The following MYOM3 variants were observed in gnomAD, a reference collection of about 807,000 sequenced individuals.
The protein encoded by MYOM3 is myomesin 3.
In MYOM3, 155 loss-of-function variants were observed where a neutral mutation model predicts 191.7. The ratio of observed to expected loss-of-function variants is 0.81; its 90% confidence interval spans 0.71 to 0.92. The LOEUF (loss-of-function observed/expected upper bound fraction) is 0.92, where lower values mean the gene tolerates loss of function less well. Among genes scored for constraint, MYOM3 ranks in the 40% least tolerant of loss-of-function variants. The pLI is 0.00. For synonymous variants in MYOM3, 757 were observed against 762.9 expected (o/e 0.99, Z 0.13); for missense variants, 1,889 against 1,890.6 (o/e 1.00, Z 0.02).
chr1:24,097,983 T>G lies in MYOM3; in HGVS notation c.685A>C (p.Thr229Pro). ...CCGTGGGCGTTCTTCACTCGCACAG[T>G]GTAAGTTGCTGAGTCCTCAATGGCG... The part of the protein sequence containing the change: ...RCAIEDSATY[T>P]VRVKNAHGQA... The change falls in exon 7 of 37, where the codon ACT becomes CCT. Residue 229 changes from threonine (T) to proline (P), a missense_variant. By Grantham distance (38) the Thr-to-Pro change is conservative (BLOSUM62 -1). Transcript: ENST00000374434. 6.2e-7 allele frequency: 1 copy of G among 1,613,616 alleles called. No homozygotes were observed. The highest frequency in any genetic ancestry group is 8.5e-7 in the Non-Finnish European group (1 of 1,179,546).
chr1:24,082,514 C>A (rs1643684691), intron 17 of MYOM3, 79 bp downstream of exon 17: 9 of 1,484,780 alleles, frequency 6.1e-6, no homozygotes, highest in Non-Finnish European at 8.0e-6. Context: ...GGACTGGGCC[C>A]TCCAAGATGT....
At chr1:24,081,251 C>T (rs553810678) in intron 19 of MYOM3, 79 bp downstream of exon 19, 111 of 1,566,474 alleles carry the variant, frequency 7.1e-5, no homozygotes, top group African/African-American at 2.8e-4. Flanking sequence ...TAGAGGAGAG[C>T]GGCAACCTTC....
rs751197492 is a variant in MYOM3 at position 24,065,919 on chromosome 1, G to A, written c.3506C>T (p.Thr1169Met). ...TTCAATGCAGAGAAGTCCCGTTCCC[G>A]TCTCTGGGTCATACTGACCATCTGG... ...EMPDGQYDPE[T>M]GTGLLCIEEL... The change falls in exon 29 of 37, where the codon ACG becomes ATG. Residue 1169 changes from threonine (T) to methionine (M), a missense_variant. Thr to Met is a moderately conservative substitution (Grantham distance 81). Coordinates refer to ENST00000374434, the MANE Select transcript of MYOM3 (RefSeq NM_152372.4). 26 of 1,613,134 alleles carry A rather than the reference G, an allele frequency of 1.6e-5. No homozygotes were observed. Among genetic ancestry groups the A allele is most frequent in the Middle Eastern group, 1.6e-4 (1 of 6,084 alleles).
intron 23 of MYOM3, among the ~76,000 whole-genome samples, chr1:24,073,329 G>A (rs1048218452): frequency 6.6e-6 from 1 of 152,190 alleles, no homozygotes; most frequent in Non-Finnish European, 1.5e-5. Context: ...GGTTGCTACG[G>A]AGGTAGCAGA....
intron 10 of MYOM3, among the ~76,000 whole-genome samples, 154 bp from the exon 11 acceptor site, chr1:24,092,469 C>T (rs1355785500): frequency 6.6e-6 from 1 of 152,196 alleles, no homozygotes; most frequent in Non-Finnish European, 1.5e-5. Context: ...CCCACTACCC[C>T]CATAGCAGTA....
intron 36 of MYOM3, among the ~76,000 whole-genome samples, chr1:24,058,379 C>T (rs1295469152): frequency 6.6e-6 from 1 of 152,144 alleles, no homozygotes; most frequent in African/African-American, 2.4e-5. Flanking sequence ...GGGTGTGAAT[C>T]TCAGCTCTGC....
At chr1:24,093,240 G>A (rs1333424590) in intron 9 of MYOM3, 132 bp from the exon 10 acceptor site, 2 of 644,514 alleles carry the variant, frequency 3.1e-6, no homozygotes, top group Admixed American at 2.9e-5. Flanking sequence ...CTCAGGCCTT[G>A]GGTGGGGGTG....
At chr1:24,061,490 T>C (rs988604462) in intron 33 of MYOM3, among the ~76,000 whole-genome samples, 181 bp from the exon 34 acceptor site, 1 of 152,172 alleles carries the variant, frequency 6.6e-6, no homozygotes, top group Non-Finnish European at 1.5e-5. Context: ...CAGAAGACCA[T>C]GGGATTTTCT....
At position 24,056,196 on chromosome 1, in the gene MYOM3, A is replaced by T. The variant is rs112916745; in HGVS notation, c.*1168T>A. Reference sequence around the variant, plus strand: ...GAGAAATGCCCAGCTCAGTACTGAGATCCATCAAGTGAGGCCAGCCGGTAT... The same window carrying T: ...GAGAAATGCCCAGCTCAGTACTGAGTTCCATCAAGTGAGGCCAGCCGGTAT... On this transcript the variant is annotated 3_prime_UTR_variant, in exon 37 of 37. Transcript: ENST00000374434. 5 of 152,200 alleles carry T rather than the reference A, an allele frequency of 3.3e-5. No individual in the cohort carries two copies. The highest frequency in any genetic ancestry group is 2.0e-4 in the Admixed American group (3 of 15,274). 9.4% of individuals were successfully genotyped at this position (152,200 alleles called of 1,614,324 possible). A position where few individuals can be genotyped will look rare whatever the true frequency, so the allele number is the denominator to read the frequency against.
intron 28 of MYOM3, chr1:24,066,791 C>T (rs1330098516): frequency 9.7e-6 from 5 of 517,596 alleles, no homozygotes; most frequent in Non-Finnish European, 1.7e-5. Flanking sequence ...ACTAGGATCT[C>T]GTTCAAGGCT....
In MYOM3 at chr1:24,079,767, G is replaced by T. The variant is rs1357765980; in HGVS notation, c.2586+249C>A. Among the ~76,000 whole-genome samples, 4 of 152,190 alleles carry T rather than the reference G, an allele frequency of 2.6e-5. No homozygotes were observed. The South Asian group carries it at 8.3e-4, about 31-fold the overall frequency. ...GGTCAAGGGATATACATGTGCAAAT[G>T]CTGATATACCTGGCTGATACCAAGT... is the stretch of plus-strand genomic sequence containing the variant. On this transcript the variant is annotated intron_variant, in intron 20 of 36. Transcript: ENST00000374434.
Position 24,066,806 on chromosome 1 carries a change from C to T in MYOM3, c.3423+215G>A. 2 of 535,154 alleles carry T rather than the reference C, an allele frequency of 3.7e-6. 1 individual carries two copies. The highest frequency in any genetic ancestry group is 5.8e-5 in the South Asian group (2 of 34,722). The allele number at this position is 535,154 out of a possible 1,614,324, so 33.2% of individuals were successfully genotyped here. On this transcript the variant is annotated intron_variant, in intron 28 of 36. Coordinates refer to ENST00000374434, the MANE Select transcript of MYOM3 (RefSeq NM_152372.4). ...ACTAGGATCTCGTTCAAGGCTGGTC[C>T]ACCTCACACGAATCCTACCCCATGG...
At position 24,092,156 on chromosome 1, in the gene MYOM3, C is replaced by A; in HGVS notation, c.1232+18G>T. On this transcript the variant is annotated intron_variant, in intron 11 of 36. Transcript: ENST00000374434. ...AATTCTACCCCTAGGGCCTCTGCCA[C>A]TCACGAGGTCGACTCACCGCTCAAT... 1 of 1,443,420 alleles carries A rather than the reference C, an allele frequency of 6.9e-7. No homozygotes were observed. Among genetic ancestry groups the A allele is most frequent in the Non-Finnish European group, 9.2e-7 (1 of 1,090,998 alleles). 89.4% of individuals were successfully genotyped at this position (1,443,420 alleles called of 1,614,324 possible).
intron 24 of MYOM3, among the ~76,000 whole-genome samples, chr1:24,071,532 T>A (rs1298543823): frequency 2.6e-5 from 4 of 152,156 alleles, no homozygotes; most frequent in Non-Finnish European, 4.4e-5. Flanking sequence ...AACCCTAGCA[T>A]CTGGGCTCCA....
chr1:24,060,924 C>A, intron 35 of MYOM3, 136 bp downstream of exon 35: 1 of 937,428 alleles, frequency 1.1e-6, no homozygotes, highest in Non-Finnish European at 1.7e-6. Flanking sequence ...GTCTTCCCTG[C>A]AGCTCTGTAA....
chr1:24,070,176 C>A (rs1643508065), intron 25 of MYOM3, among the ~76,000 whole-genome samples: 2 of 152,060 alleles, frequency 1.3e-5, no homozygotes, highest in Non-Finnish European at 2.9e-5. Flanking sequence ...TTGGATATAA[C>A]CTTAATTATG....
intron 7 of MYOM3, 121 bp downstream of exon 7, chr1:24,097,802 G>A (rs1425598913): frequency 5.2e-6 from 4 of 764,856 alleles, no homozygotes; most frequent in Non-Finnish European, 9.4e-6. Flanking sequence ...GTCACCCAAT[G>A]CCAGGCTGAA....
At chr1:24,102,038 T>C (rs1643940804) in intron 5 of MYOM3, among the ~76,000 whole-genome samples, 1 of 151,938 alleles carries the variant, frequency 6.6e-6, no homozygotes, top group Non-Finnish European at 1.5e-5. Context: ...AGCCATGGAA[T>C]GGAGTCTCAT....
At chr1:24,085,116 G>GGATT (rs2148552999) in intron 15 of MYOM3, among the ~76,000 whole-genome samples, 1 of 134,868 alleles carries the variant, frequency 7.4e-6, no homozygotes. Flanking sequence ...ATGAATGGAT[G>GGATT]GATGGATGGA....
Sources: gnomAD v4.1 joint callset for allele counts (sites outside exome capture counted in the v4.1 genomes callset) on GRCh38, gnomAD v4.1.1 for gene constraint, MANE v1.5 for transcripts, NCBI Gene and HGNC (gene_info 2026-07-23, HGNC 2026-07-21) for gene names.